The following OTUD7A variants were observed in gnomAD, a reference collection of about 807,000 sequenced individuals.
OTUD7A encodes the protein OTU deubiquitinase 7A, also known as OTU domain-containing protein 7A.
In OTUD7A, 12 loss-of-function variants were observed where a neutral mutation model predicts 65.7. The observed-to-expected ratio is 0.18, with a 90% CI of 0.12 to 0.30. The LOEUF is 0.30. OTUD7A is among the 10% of genes least tolerant of loss of function. The pLI is 1.00. For synonymous variants in OTUD7A, 641 were observed against 586.3 expected, an observed-to-expected ratio of 1.09 and a Z score of -1.35; for missense variants, 1,148 against 1,304.8, an observed-to-expected ratio of 0.88 and a Z score of 1.85.
intron 1 of OTUD7A, among the ~76,000 whole-genome samples, chr15:31,847,700 G>A (rs142404226): frequency 7.2e-4 from 110 of 152,214 alleles, no homozygotes; most frequent in African/African-American, 2.6e-3. Context: ...GTCCATTCAC[G>A]CACTGGTATA....
chr15:31,745,020 A>G (rs1215651277), intron 1 of OTUD7A, among the ~76,000 whole-genome samples: 1 of 152,096 alleles, frequency 6.6e-6, no homozygotes, highest in African/African-American at 2.4e-5. Flanking sequence ...TTCTACACTA[A>G]AACAAAAACC....
intron 1 of OTUD7A, among the ~76,000 whole-genome samples, chr15:31,657,287 C>T (rs1892019897): frequency 6.6e-6 from 1 of 152,220 alleles, no homozygotes; most frequent in African/African-American, 2.4e-5. Flanking sequence ...TCTCAGCTTT[C>T]CTCGTTTTAG....
chr15:31,541,174 A>C (rs1887976256), intron 5 of OTUD7A, among the ~76,000 whole-genome samples: 3 of 152,148 alleles, frequency 2.0e-5, no homozygotes. Context: ...GCCTACATTC[A>C]TTGGTTAGAT....
At chr15:31,682,758 G>A (rs1346928671) in intron 1 of OTUD7A, among the ~76,000 whole-genome samples, 20 of 152,200 alleles carry the variant, frequency 1.3e-4, no homozygotes, top group Non-Finnish European at 1.9e-4. Flanking sequence ...GCATGTGCAT[G>A]CATGTGCTGT....
chr15:31,776,558 G>A (rs1171695051), intron 1 of OTUD7A, among the ~76,000 whole-genome samples: 2 of 152,184 alleles, frequency 1.3e-5, no homozygotes, highest in African/African-American at 4.8e-5. Flanking sequence ...TTCAGCCTCA[G>A]GTATGTGGGG....
chr15:31,517,335 CTG>C (rs1381315346), intron 8 of OTUD7A, among the ~76,000 whole-genome samples: 1 of 152,230 alleles, frequency 6.6e-6, no homozygotes, highest in Admixed American at 6.5e-5. Flanking sequence ...GACCTGCACT[CTG>C]TGACCAGAGC....
intron 1 of OTUD7A, among the ~76,000 whole-genome samples, chr15:31,808,904 C>T (rs1280460797): frequency 6.6e-6 from 1 of 152,238 alleles, no homozygotes; most frequent in Non-Finnish European, 1.5e-5. Context: ...GAGGCTGGGG[C>T]TTGCTTCCTT....
At chr15:31,749,461 C>T (rs2141382095) in intron 1 of OTUD7A, among the ~76,000 whole-genome samples, 1 of 152,208 alleles carries the variant, frequency 6.6e-6, no homozygotes, top group Middle Eastern at 3.4e-3. Flanking sequence ...ATTATATACC[C>T]CTAGACTAAC....
At chr15:31,812,237 G>C (rs1377046224) in intron 1 of OTUD7A, among the ~76,000 whole-genome samples, 1 of 134,820 alleles carries the variant, frequency 7.4e-6, no homozygotes. Flanking sequence ...AGCTGACCCT[G>C]TTCAGGGAGC....
At chr15:31,625,751 C>A (rs1299379201) in intron 3 of OTUD7A, among the ~76,000 whole-genome samples, 1 of 152,092 alleles carries the variant, frequency 6.6e-6, no homozygotes, top group Non-Finnish European at 1.5e-5. Context: ...AAGCCAGAAA[C>A]CACCCAGATA....
intron 1 of OTUD7A, among the ~76,000 whole-genome samples, chr15:31,717,948 T>C (rs1421397286): frequency 6.6e-6 from 1 of 152,230 alleles, no homozygotes; most frequent in Non-Finnish European, 1.5e-5. Flanking sequence ...TGGTGAGAGA[T>C]GGTATCCTTG....
chr15:31,758,193 TA>T (rs1197855944), intron 1 of OTUD7A, among the ~76,000 whole-genome samples: 11 of 152,136 alleles, frequency 7.2e-5, no homozygotes, highest in Admixed American at 7.2e-4. Context: ...TATAAAACTG[TA>T]GAAATGGATA....
At chr15:31,850,282 C>T (rs1177154404) in intron 1 of OTUD7A, among the ~76,000 whole-genome samples, 1 of 152,082 alleles carries the variant, frequency 6.6e-6, no homozygotes, top group African/African-American at 2.4e-5. Context: ...AAGCTGGAAA[C>T]CATCATTCTG....
intron 1 of OTUD7A, among the ~76,000 whole-genome samples, chr15:31,851,933 A>G (rs1364414404): frequency 6.6e-6 from 1 of 152,178 alleles, no homozygotes; most frequent in East Asian, 1.9e-4. Context: ...ATCTCAGCTC[A>G]CTGCAACCTC....
intron 1 of OTUD7A, among the ~76,000 whole-genome samples, chr15:31,802,264 C>A (rs1173361483): frequency 6.6e-6 from 1 of 152,012 alleles, no homozygotes; most frequent in Non-Finnish European, 1.5e-5. Flanking sequence ...AACTGAAGAA[C>A]TTGGGAGTCC....
rs1397046300 is a variant in OTUD7A, at chr15:31,498,220, C to T, written c.1171+3470G>A. Among the ~76,000 whole-genome samples, 1 of 152,210 alleles carries T rather than the reference C, an allele frequency of 6.6e-6. No homozygotes were observed. The highest frequency in any genetic ancestry group is 2.4e-5 in the African/African-American group (1 of 41,448). On this transcript the variant is annotated intron_variant, in intron 10 of 12. Coordinates refer to ENST00000307050, the MANE Select transcript of OTUD7A (RefSeq NM_001382637.1). This position sits in a 1 kb window ranked among gnomAD's most constrained non-coding sequence, Gnocchi z 4.2. The stretch of plus-strand genomic sequence containing the variant: ...TGTGTCCCCTCTCTGTGTAACTGGG[C>T]ACCCCACATATGGGTGCCAGGATCT...
At chr15:31,622,298 T>A (rs1890813344) in intron 3 of OTUD7A, among the ~76,000 whole-genome samples, 1 of 152,204 alleles carries the variant, frequency 6.6e-6, no homozygotes. Flanking sequence ...TTCCTGAATG[T>A]GAATGTTGGC....
chr15:31,601,096 C>T (rs969129221), intron 3 of OTUD7A, among the ~76,000 whole-genome samples: 3 of 151,990 alleles, frequency 2.0e-5, no homozygotes, highest in Non-Finnish European at 2.9e-5. Flanking sequence ...AACTCAGCTC[C>T]GGACCAAGCA....
intron 3 of OTUD7A, among the ~76,000 whole-genome samples, chr15:31,637,827 G>A (rs536159758): frequency 6.6e-6 from 1 of 152,306 alleles, no homozygotes; most frequent in East Asian, 1.9e-4. Context: ...AATTAGAAGT[G>A]GAGTCTGAAG....
Sources: allele counts gnomAD v4.1 joint callset (sites outside exome capture counted in the v4.1 genomes callset), GRCh38; gene constraint gnomAD v4.1.1; non-coding constraint Gnocchi (gnomAD v3.1); transcripts MANE v1.5; gene names NCBI Gene and HGNC (gene_info 2026-07-23, HGNC 2026-07-21).